AFG2A: variants seen among roughly 807,000 people sequenced by gnomAD.
AFG2A encodes the protein AAA ATPase AFG2A.
chr4:122,934,493 A>G, the AFG2A span: 1 of 1,614,254 alleles, frequency 6.2e-7, no homozygotes, highest in Non-Finnish European at 8.5e-7. Flanking sequence ...GAAGGAAATG[A>G]GCAACTTACT....
chr4:123,291,920 C>A, the AFG2A span, among the ~76,000 whole-genome samples: 1 of 152,192 alleles, frequency 6.6e-6, no homozygotes, highest in African/African-American at 2.4e-5. Context: ...AAGTCTCTAG[C>A]AAGACCAGGG....
the AFG2A span, among the ~76,000 whole-genome samples, chr4:123,175,642 A>G: frequency 1.3e-5 from 2 of 152,350 alleles, no homozygotes; most frequent in East Asian, 1.9e-4. Flanking sequence ...CATTTCGTGT[A>G]CATATTCTAT....
the AFG2A span, chr4:122,929,212 T>A: frequency 1.3e-6 from 2 of 1,553,514 alleles, no homozygotes. Context: ...GGCTCTTTTC[T>A]TTGGTGACTA....
the AFG2A span, among the ~76,000 whole-genome samples, chr4:123,073,187 G>GAA: frequency 6.7e-6 from 1 of 148,330 alleles, no homozygotes; most frequent in Non-Finnish European, 1.5e-5. Context: ...TTTTTAAACT[G>GAA]AAAAAAAATA....
the AFG2A span, among the ~76,000 whole-genome samples, chr4:123,235,305 G>A: frequency 6.6e-6 from 1 of 152,102 alleles, no homozygotes; most frequent in Non-Finnish European, 1.5e-5. Flanking sequence ...ACTAATACAA[G>A]AAGGCATGTG....
At chr4:123,280,839 A>G in the AFG2A span, among the ~76,000 whole-genome samples, 1 of 152,114 alleles carries the variant, frequency 6.6e-6, no homozygotes, top group Admixed American at 6.6e-5. Flanking sequence ...GGTTCCAGGG[A>G]TTAGAAGGTG....
At chr4:123,171,360 G>A in the AFG2A span, among the ~76,000 whole-genome samples, 1 of 151,944 alleles carries the variant, frequency 6.6e-6, no homozygotes, top group Admixed American at 6.6e-5. Flanking sequence ...CTATGTAATG[G>A]CCAACTAAGG....
chr4:123,200,532 G>T, the AFG2A span, among the ~76,000 whole-genome samples: 1 of 152,220 alleles, frequency 6.6e-6, no homozygotes, highest in African/African-American at 2.4e-5. Flanking sequence ...TTTCTTTGAA[G>T]AGAAAGCTTG....
At chr4:123,104,814 A>G in the AFG2A span, among the ~76,000 whole-genome samples, 1 of 152,234 alleles carries the variant, frequency 6.6e-6, no homozygotes, top group African/African-American at 2.4e-5. Flanking sequence ...GAGAAAGGTC[A>G]GGAAGCTGCA....
At chr4:123,227,846 A>G in the AFG2A span, among the ~76,000 whole-genome samples, 4 of 152,100 alleles carry the variant, frequency 2.6e-5, no homozygotes, top group African/African-American at 9.7e-5. Context: ...GTGGGAGTCT[A>G]AGTCTCTTTG....
At chr4:123,123,240 C>A in the AFG2A span, among the ~76,000 whole-genome samples, 1 of 152,076 alleles carries the variant, frequency 6.6e-6, no homozygotes, top group Non-Finnish European at 1.5e-5. Flanking sequence ...ATAAGTCTTG[C>A]TGCTTTTTTT....
At chr4:123,200,541 T>A in the AFG2A span, among the ~76,000 whole-genome samples, 2 of 152,250 alleles carry the variant, frequency 1.3e-5, no homozygotes, top group East Asian at 3.8e-4. Flanking sequence ...AGAGAAAGCT[T>A]GTGCTTGACC....
chr4:123,207,006 A>T, the AFG2A span, among the ~76,000 whole-genome samples: 1 of 152,134 alleles, frequency 6.6e-6, no homozygotes, highest in Non-Finnish European at 1.5e-5. Flanking sequence ...AAGAATGTCT[A>T]CTTCAGTAAG....
At chr4:123,268,095 C>A in the AFG2A span, among the ~76,000 whole-genome samples, 5 of 151,830 alleles carry the variant, frequency 3.3e-5, no homozygotes, top group African/African-American at 7.3e-5. Context: ...TATTTCGATG[C>A]CTCTTTCCTA....
the AFG2A span, among the ~76,000 whole-genome samples, chr4:122,930,949 T>C: frequency 6.6e-6 from 1 of 151,902 alleles, no homozygotes; most frequent in African/African-American, 2.4e-5. Context: ...TCTTATGTTT[T>C]AAATGTGGCA....
At chr4:123,019,609 A>G in the AFG2A span, among the ~76,000 whole-genome samples, 2 of 152,306 alleles carry the variant, frequency 1.3e-5, no homozygotes, top group Middle Eastern at 3.4e-3. Flanking sequence ...TCTTACATGT[A>G]TGCAATTTTC....
the AFG2A span, among the ~76,000 whole-genome samples, chr4:123,306,715 C>G: frequency 2.6e-5 from 4 of 152,104 alleles, no homozygotes; most frequent in Non-Finnish European, 4.4e-5. Context: ...ACCACCACAC[C>G]CGGCTAATTT....
At chr4:123,064,433 G>C in the AFG2A span, among the ~76,000 whole-genome samples, 1 of 152,180 alleles carries the variant, frequency 6.6e-6, no homozygotes, top group African/African-American at 2.4e-5. Context: ...CTCACAGAAA[G>C]GTCCCTGCAT....
chr4:122,939,715 T>C, the AFG2A span, among the ~76,000 whole-genome samples: 1 of 152,114 alleles, frequency 6.6e-6, no homozygotes, highest in African/African-American at 2.4e-5. Flanking sequence ...TGTGCCATGA[T>C]GGTGTGCTGC....
Sources: gnomAD v4.1 joint callset for allele counts (sites outside exome capture counted in the v4.1 genomes callset) on GRCh38, gnomAD v4.1.1 for gene constraint, MANE v1.5 for transcripts, NCBI Gene and HGNC (gene_info 2026-07-23, HGNC 2026-07-21) for gene names.